Variants in FAT3 observed in about 807,000 individuals in gnomAD.
The protein encoded by FAT3 is FAT atypical cadherin 3, also known as protocadherin Fat 3.
Under a neutral mutation model 310.2 loss-of-function variants are expected in FAT3, and 95 were observed. The ratio of observed to expected loss-of-function variants is 0.31; its 90% CI spans 0.26 to 0.36. The LOEUF (loss-of-function observed/expected upper bound fraction) is 0.36, where lower values mean the gene tolerates loss of function less well. Ranked by LOEUF, FAT3 falls within the 10% of genes least tolerant of loss-of-function variation. The pLI, the probability that FAT3 is intolerant of heterozygous loss-of-function variation, is 1.00. For missense variants in FAT3, 5,408 were observed against 5,715.6 expected (o/e 0.95, Z 1.74); for synonymous variants, 2,314 against 2,192.9 (o/e 1.06, Z -1.54).
chr11:92,666,648 C>T (rs978937858), intron 3 of FAT3, among the ~76,000 whole-genome samples: 2 of 152,032 alleles, frequency 1.3e-5, no homozygotes, highest in African/African-American at 4.8e-5. Context: ...GCATGAGCCA[C>T]TGTGCCCAGC....
At chr11:92,766,532 G>C (rs560767944) in intron 6 of FAT3, 23 of 152,338 alleles carry the variant, frequency 1.5e-4, no homozygotes, top group African/African-American at 5.3e-4. Flanking sequence ...AACCTCTATA[G>C]AGAGTCCTCT....
At chr11:92,575,375 C>T (rs772668375) in intron 3 of FAT3, among the ~76,000 whole-genome samples, 1 of 152,122 alleles carries the variant, frequency 6.6e-6, no homozygotes, top group Non-Finnish European at 1.5e-5. Context: ...CCAGAAACCA[C>T]AACAATAATA....
intron 3 of FAT3, among the ~76,000 whole-genome samples, chr11:92,659,658 G>C (rs1942708136): frequency 6.6e-6 from 1 of 152,218 alleles, no homozygotes; most frequent in African/African-American, 2.4e-5. Context: ...CAGGAGGGAT[G>C]CTACCTAGGT....
chr11:92,422,029 C>T (rs1201332479), intron 2 of FAT3, among the ~76,000 whole-genome samples: 1 of 152,106 alleles, frequency 6.6e-6, no homozygotes, highest in East Asian at 1.9e-4. Context: ...ACCTGGTGCC[C>T]CTTTGTCTGT....
intron 4 of FAT3, among the ~76,000 whole-genome samples, chr11:92,721,274 A>G (rs1371537892): frequency 6.6e-6 from 1 of 152,236 alleles, no homozygotes; most frequent in Non-Finnish European, 1.5e-5. Context: ...TTAGTAATAG[A>G]AAAAATGAAG....
At chr11:92,505,943 C>T (rs1953085895) in intron 2 of FAT3, among the ~76,000 whole-genome samples, 1 of 152,146 alleles carries the variant, frequency 6.6e-6, no homozygotes, top group Non-Finnish European at 1.5e-5. Flanking sequence ...ATATTACAGT[C>T]TGTCTAGTTG....
At chr11:92,692,015 T>C (rs1216330425) in intron 3 of FAT3, among the ~76,000 whole-genome samples, 1 of 152,152 alleles carries the variant, frequency 6.6e-6, no homozygotes, top group Admixed American at 6.6e-5. Flanking sequence ...ATCCTATTTT[T>C]CTCCCTAAAT....
intron 2 of FAT3, among the ~76,000 whole-genome samples, chr11:92,428,490 G>C (rs1294519627): frequency 1.3e-5 from 2 of 152,034 alleles, no homozygotes; most frequent in African/African-American, 4.8e-5. Context: ...GTCAATCTTA[G>C]ATCTTCTGCA....
At chr11:92,565,817 C>T (rs1195632075) in intron 3 of FAT3, among the ~76,000 whole-genome samples, 1 of 152,148 alleles carries the variant, frequency 6.6e-6, no homozygotes, top group Admixed American at 6.5e-5. Context: ...GCAGAAAAGG[C>T]CTTTGACAAA....
chr11:92,719,767 T>TGTGC (rs1944808330), intron 4 of FAT3, among the ~76,000 whole-genome samples: 1 of 151,444 alleles, frequency 6.6e-6, no homozygotes, highest in Non-Finnish European at 1.5e-5. Context: ...TGTGTGTGTG[T>TGTGC]GTGTATAATT....
At chr11:92,856,119 T>A (rs1948973984) in intron 19 of FAT3, among the ~76,000 whole-genome samples, 1 of 152,052 alleles carries the variant, frequency 6.6e-6, no homozygotes, top group Non-Finnish European at 1.5e-5. Flanking sequence ...GTGCTGGGAT[T>A]ACAGGCATGA....
intron 2 of FAT3, among the ~76,000 whole-genome samples, chr11:92,485,628 A>G (rs1952357070): frequency 6.6e-6 from 1 of 152,212 alleles, no homozygotes; most frequent in African/African-American, 2.4e-5. Context: ...ATGTGAATGA[A>G]AATATTTGTC....
intron 1 of FAT3, among the ~76,000 whole-genome samples, chr11:92,301,726 C>G (rs1947003247): frequency 6.6e-6 from 1 of 151,810 alleles, no homozygotes; most frequent in South Asian, 2.1e-4. Flanking sequence ...ACAGTTATTC[C>G]AGGGGAATAG....
At chr11:92,784,065 A>G (rs1946826733) in intron 7 of FAT3, among the ~76,000 whole-genome samples, 1 of 152,236 alleles carries the variant, frequency 6.6e-6, no homozygotes, top group Non-Finnish European at 1.5e-5. Flanking sequence ...ATGCACACGG[A>G]AATGATAGGA....
chr11:92,461,723 G>A (rs1162330647), intron 2 of FAT3, among the ~76,000 whole-genome samples: 1 of 152,158 alleles, frequency 6.6e-6, no homozygotes, highest in Non-Finnish European at 1.5e-5. Flanking sequence ...ACAGGGAAGA[G>A]GGCCAGAGTC....
chr11:92,490,093 T>C (rs1952559556), intron 2 of FAT3, among the ~76,000 whole-genome samples: 1 of 152,104 alleles, frequency 6.6e-6, no homozygotes. Context: ...TATTCCTTCA[T>C]CTGATTTGGG....
At chr11:92,267,924 A>T (rs1284059850) in intron 1 of FAT3, among the ~76,000 whole-genome samples, 1 of 152,104 alleles carries the variant, frequency 6.6e-6, no homozygotes, top group African/African-American at 2.4e-5. Context: ...AGATTGAATG[A>T]AGTAGCGCTT....
intron 18 of FAT3, among the ~76,000 whole-genome samples, chr11:92,841,310 C>G (rs1286895778): frequency 1.3e-5 from 2 of 152,110 alleles, no homozygotes; most frequent in East Asian, 3.9e-4. Flanking sequence ...TCCGAAAGTT[C>G]CCATGTATGA....
intron 2 of FAT3, among the ~76,000 whole-genome samples, chr11:92,376,071 T>C (rs1371346081): frequency 6.6e-6 from 1 of 152,334 alleles, no homozygotes; most frequent in Middle Eastern, 3.4e-3. Flanking sequence ...AGTAGCACTT[T>C]ATAAAATATT....
Sources: gnomAD v4.1 joint callset for allele counts (sites outside exome capture counted in the v4.1 genomes callset) on GRCh38, gnomAD v4.1.1 for gene constraint, MANE v1.5 for transcripts, NCBI Gene and HGNC (gene_info 2026-07-23, HGNC 2026-07-21) for gene names.